Variants in BCAS3 observed in about 807,000 individuals in gnomAD.
The protein encoded by BCAS3 is BCAS3 microtubule associated cell migration factor.
BCAS3 carries 53 observed loss-of-function variants against 116.1 expected under a neutral mutation model. The observed-to-expected ratio is 0.46, with a 90% CI of 0.37 to 0.57. BCAS3 has a LOEUF of 0.57. Ranked by LOEUF, BCAS3 falls within the 20% of genes least tolerant of loss-of-function variation. BCAS3 has a pLI of 0.00. For missense variants in BCAS3, 917 were observed against 1,165.4 expected, an observed-to-expected ratio of 0.79 and a Z score of 3.10; for synonymous variants, 391 against 408.2, an observed-to-expected ratio of 0.96 and a Z score of 0.51.
chr17:61,117,007 G>T (rs970896458), intron 22 of BCAS3, among the ~76,000 whole-genome samples: 1 of 152,090 alleles, frequency 6.6e-6, no homozygotes, highest in African/African-American at 2.4e-5. Flanking sequence ...TCAGGATTTA[G>T]CTTCTTTAAT....
intron 15 of BCAS3, among the ~76,000 whole-genome samples, chr17:61,003,571 G>T (rs1035753218): frequency 6.6e-6 from 1 of 151,888 alleles, no homozygotes; most frequent in Non-Finnish European, 1.5e-5. Context: ...GGGGATTACA[G>T]GTGTGAGCCA....
At position 60,994,796 on chromosome 17, in the gene BCAS3, C is replaced by T. The variant is rs2063736393; in HGVS notation, c.1486+4561C>T. On this transcript the variant is annotated intron_variant, in intron 15 of 23. Coordinates refer to ENST00000407086, the MANE Select transcript of BCAS3 (RefSeq NM_017679.5). The surrounding 1 kb of genome is among the most constrained non-coding windows in gnomAD (Gnocchi z 4.4). ...CTAAAATATTACTGCCTCTCTTAAGCCTTCTTTTGATTTTTATCATCTTTT... is the reference window on the plus strand; with the variant it reads ...CTAAAATATTACTGCCTCTCTTAAGTCTTCTTTTGATTTTTATCATCTTTT... Among the ~76,000 whole-genome samples the T allele has an allele frequency of 2.6e-5, 4 of 152,108 alleles. No homozygotes were observed. The highest frequency in any genetic ancestry group is 2.6e-4 in the Admixed American group (4 of 15,276).
intron 7 of BCAS3, among the ~76,000 whole-genome samples, chr17:60,855,616 G>A (rs1337816601): frequency 2.0e-5 from 3 of 151,606 alleles, no homozygotes; most frequent in African/African-American, 4.8e-5. Context: ...CACCACGCCC[G>A]GCCACTATTT....
intron 22 of BCAS3, among the ~76,000 whole-genome samples, chr17:61,293,698 T>A (rs1288489369): frequency 6.6e-6 from 1 of 152,234 alleles, no homozygotes; most frequent in African/African-American, 2.4e-5. Flanking sequence ...GGGCTGGTGC[T>A]ATGAGGAACT....
At position 61,057,231 on chromosome 17, in the gene BCAS3, T is replaced by C. The variant is rs544679887; in HGVS notation, c.2029+16339T>C. 1.2e-4 allele frequency among the ~76,000 whole-genome samples: 18 copies of C among 152,336 alleles called. No homozygotes were observed. The South Asian group carries it at 3.5e-3, about 30-fold the overall frequency. ...TGTGTTCTACCCTCTCCTGACTATA[T>C]AATAGTTTTTTAAATATTCCAGAAA... On this transcript the variant is annotated intron_variant, in intron 19 of 23. Transcript: ENST00000407086.
Position 61,363,553 on chromosome 17 carries a change from CTTTT to C in BCAS3, c.2426-4760_2426-4757del, listed in dbSNP as rs1156471461. 5.7e-5 allele frequency among the ~76,000 whole-genome samples: 8 copies of C among 139,920 alleles called. No homozygotes were observed. The highest frequency in any genetic ancestry group is 7.2e-5 in the Admixed American group (1 of 13,862). 91.8% of individuals were successfully genotyped at this position (139,920 alleles called of 152,430 possible). On this transcript the variant is annotated intron_variant, in intron 22 of 23. Coordinates refer to ENST00000407086, the MANE Select transcript of BCAS3 (RefSeq NM_017679.5). This position sits in a 1 kb window ranked among gnomAD's most constrained non-coding sequence, Gnocchi z 4.9. ...GTTTGGTGAAGTCACATAAGCTCCT[CTTTT>C]TTTTTTTTTTTTTAACTCACTCTGA...
chr17:61,172,711 C>T lies in BCAS3; in HGVS notation c.2425+88147C>T, dbSNP rs768838654. Reference sequence around the variant, plus strand: ...CAATAAATCTAAAGGATTGGCTGGGCGCGGTGGCTCATGCCTTTAATCCCA... The same window carrying T: ...CAATAAATCTAAAGGATTGGCTGGGTGCGGTGGCTCATGCCTTTAATCCCA... On this transcript the variant is annotated intron_variant, in intron 22 of 23. Coordinates refer to ENST00000407086, the MANE Select transcript of BCAS3 (RefSeq NM_017679.5). Among the ~76,000 whole-genome samples, 7 of 147,648 alleles carry T rather than the reference C, an allele frequency of 4.7e-5. No individual in the cohort carries two copies. In the South Asian group the frequency reaches 6.7e-4, roughly 14 times the overall value.
chr17:61,010,722 G>A (rs1044437258), intron 15 of BCAS3, among the ~76,000 whole-genome samples: 12 of 151,928 alleles, frequency 7.9e-5, no homozygotes, highest in Non-Finnish European at 2.9e-5. Flanking sequence ...TAGAATTCCT[G>A]CTTTAACTTA....
At chr17:61,138,654 A>T (rs1279181615) in intron 22 of BCAS3, among the ~76,000 whole-genome samples, 1 of 152,134 alleles carries the variant, frequency 6.6e-6, no homozygotes, top group African/African-American at 2.4e-5. Flanking sequence ...GGTATATTTG[A>T]TTGTTTTCAG....
intron 7 of BCAS3, among the ~76,000 whole-genome samples, chr17:60,835,895 G>C (rs371134270): frequency 9.9e-5 from 15 of 152,062 alleles, no homozygotes; most frequent in African/African-American, 3.6e-4. Context: ...TAGGATGTTT[G>C]TTTCAGAAAT....
At chr17:60,836,069 A>C (rs907039383) in intron 7 of BCAS3, among the ~76,000 whole-genome samples, 14 of 152,146 alleles carry the variant, frequency 9.2e-5, no homozygotes, top group Admixed American at 8.5e-4. Flanking sequence ...TGAGTGGAAG[A>C]TACAGAAAGT....
chr17:60,728,126 C>T lies in BCAS3; in HGVS notation c.321+18801C>T, dbSNP rs77743026. ...ACCCGGCCTGGTTTTTGGTGGTATA[C>T]TTTCTATGTGTTTTGACAGATAATA... On this transcript the variant is annotated intron_variant, in intron 5 of 23. Coordinates refer to ENST00000407086, the MANE Select transcript of BCAS3 (RefSeq NM_017679.5). Among the ~76,000 whole-genome samples, 693 of 152,060 alleles carry T rather than the reference C, an allele frequency of 4.6e-3. 25 individuals carry two copies. In the East Asian group the frequency reaches 0.082, roughly 18 times the overall value.
At chr17:60,862,585 C>G (rs974873587) in intron 7 of BCAS3, among the ~76,000 whole-genome samples, 1 of 152,118 alleles carries the variant, frequency 6.6e-6, no homozygotes, top group Admixed American at 6.6e-5. Flanking sequence ...CCTATGTTTT[C>G]TAGTTTCTGT....
chr17:60,798,491 A>G (rs1053620524), intron 6 of BCAS3, among the ~76,000 whole-genome samples: 1 of 152,330 alleles, frequency 6.6e-6, no homozygotes, highest in African/African-American at 2.4e-5. Flanking sequence ...TCAATGAGCA[A>G]TATGCATTTA....
chr17:60,799,195 G>T (rs564040802), intron 6 of BCAS3, among the ~76,000 whole-genome samples: 40 of 152,162 alleles, frequency 2.6e-4, no homozygotes, highest in African/African-American at 9.4e-4. Flanking sequence ...CATTTTTAAA[G>T]CAATTCTAGC....
At position 61,043,678 on chromosome 17, in the gene BCAS3, G is replaced by A. The variant is rs144870270; in HGVS notation, c.2029+2786G>A. Among the ~76,000 whole-genome samples the A allele has an allele frequency of 1.8e-3, 278 of 152,068 alleles. 2 individuals carry two copies. Among genetic ancestry groups the A allele is most frequent in the Non-Finnish European group, 2.7e-3 (182 of 67,930 alleles). On this transcript the variant is annotated intron_variant, in intron 19 of 23. Coordinates refer to ENST00000407086, the MANE Select transcript of BCAS3 (RefSeq NM_017679.5). The stretch of plus-strand genomic sequence containing the variant: ...TAAATACGGGCCTGTGTGTGCGAGA[G>A]TGCCCTGCAATCGAATGGTGTCTTG...
rs869090870 is a variant in BCAS3, at chr17:61,059,063, C to CTTTTTTTTTT, written c.2030-15829_2030-15820dup. On this transcript the variant is annotated intron_variant, in intron 19 of 23. Coordinates refer to ENST00000407086, the MANE Select transcript of BCAS3 (RefSeq NM_017679.5). The stretch of plus-strand genomic sequence containing the variant: ...TCCCCGAACTCTTTTTTCTCCCCAT[C>CTTTTTTTTTT]TTTTTTTTTTTTTTTTTTTTTTTTT... 5.0e-3 allele frequency among the ~76,000 whole-genome samples: 163 copies of CTTTTTTTTTT among 32,806 alleles called. 27 individuals carry two copies. The highest frequency in any genetic ancestry group is 0.028 in the Middle Eastern group (1 of 36). The allele number at this position is 32,806 out of a possible 152,430, so 21.5% of individuals were successfully genotyped here.
intron 22 of BCAS3, among the ~76,000 whole-genome samples, chr17:61,358,945 A>C (rs2058301187): frequency 6.6e-6 from 1 of 152,104 alleles, no homozygotes; most frequent in South Asian, 2.1e-4. Flanking sequence ...AAAAAGTTCT[A>C]TCCCCACCCT....
intron 22 of BCAS3, among the ~76,000 whole-genome samples, chr17:61,296,823 G>C (rs927158687): frequency 2.0e-5 from 3 of 152,204 alleles, no homozygotes; most frequent in Non-Finnish European, 4.4e-5. Flanking sequence ...GCACAAACAA[G>C]GAGCTGTGTT....
Sources: allele counts gnomAD v4.1 joint callset (sites outside exome capture counted in the v4.1 genomes callset), GRCh38; gene constraint gnomAD v4.1.1; non-coding constraint Gnocchi (gnomAD v3.1); transcripts MANE v1.5; gene names NCBI Gene and HGNC (gene_info 2026-07-23, HGNC 2026-07-21).